KCNQ5: variants seen among roughly 807,000 people sequenced by gnomAD.
KCNQ5 encodes potassium voltage-gated channel subfamily KQT member 5.
A neutral mutation model predicts 98.2 loss-of-function variants in KCNQ5; 30 were observed. That is an observed-to-expected ratio of 0.31 (90% CI 0.23 to 0.41). The LOEUF (loss-of-function observed/expected upper bound fraction) is 0.41, where lower values mean the gene tolerates loss of function less well. Among genes scored for constraint, KCNQ5 ranks in the 10% least tolerant of loss-of-function variants. The probability of loss-of-function intolerance (pLI) is 1.00; values close to 1 mark genes in which losing one functional copy is unlikely to be tolerated. For missense variants in KCNQ5, 835 were observed against 1,182.5 expected (o/e 0.71, Z 4.31); for synonymous variants, 458 against 449.4 (o/e 1.02, Z -0.24).
chr6:73,086,300 G>C (rs1773985689), intron 5 of KCNQ5, among the ~76,000 whole-genome samples: 1 of 151,966 alleles, frequency 6.6e-6, no homozygotes, highest in African/African-American at 2.4e-5. Flanking sequence ...ATAATTGAAA[G>C]GACAGACATA....
intron 2 of KCNQ5, among the ~76,000 whole-genome samples, chr6:73,020,348 T>A (rs1399405097): frequency 2.0e-5 from 3 of 152,174 alleles, no homozygotes; most frequent in Non-Finnish European, 4.4e-5. Context: ...AGGGAAACAC[T>A]TATTTCATTT....
At chr6:72,978,605 A>G (rs1768271556) in intron 1 of KCNQ5, among the ~76,000 whole-genome samples, 1 of 152,184 alleles carries the variant, frequency 6.6e-6, no homozygotes, top group African/African-American at 2.4e-5. Context: ...GGCAGTTGTG[A>G]TCCTTTTAAA....
intron 1 of KCNQ5, among the ~76,000 whole-genome samples, chr6:72,964,081 A>G (rs1445475407): frequency 6.6e-6 from 1 of 152,168 alleles, no homozygotes; most frequent in Non-Finnish European, 1.5e-5. Flanking sequence ...AAAAATGAAT[A>G]TTTACTTAAA....
chr6:72,901,086 C>T (rs1333995962), intron 1 of KCNQ5, among the ~76,000 whole-genome samples: 2 of 151,846 alleles, frequency 1.3e-5, no homozygotes, highest in East Asian at 3.9e-4. Flanking sequence ...ATTAACTCAT[C>T]ATTTACCTTA....
At chr6:72,677,591 T>C (rs1321664734) in intron 1 of KCNQ5, among the ~76,000 whole-genome samples, 1 of 152,204 alleles carries the variant, frequency 6.6e-6, no homozygotes, top group African/African-American at 2.4e-5. Context: ...CTTGACTATT[T>C]TTAATTCTGA....
chr6:73,119,755 AT>A (rs1245979831), intron 7 of KCNQ5, among the ~76,000 whole-genome samples: 1 of 152,202 alleles, frequency 6.6e-6, no homozygotes, highest in Non-Finnish European at 1.5e-5. Flanking sequence ...TCAAATATTG[AT>A]TAAAGATCAA....
In KCNQ5 at chr6:72,701,290, A is replaced by G. The variant is rs140227326; in HGVS notation, c.398+78703A>G. Among the ~76,000 whole-genome samples, 26 of 152,346 alleles carry G rather than the reference A, an allele frequency of 1.7e-4. No individual in the cohort carries two copies. The East Asian group carries it at 5.0e-3, about 29-fold the overall frequency. ...TGTGCAGCAGTTAACTGAAACTTAC[A>G]TAACGTTTAAGGCTTTTTACCCCAA... On this transcript the variant is annotated intron_variant, in intron 1 of 13. Transcript: ENST00000370398.
chr6:73,084,516 A>C (rs946165299), intron 5 of KCNQ5, among the ~76,000 whole-genome samples: 4 of 152,188 alleles, frequency 2.6e-5, no homozygotes, highest in Admixed American at 6.5e-5. Flanking sequence ...GTTTGTAAGC[A>C]TCTGCAATAC....
intron 5 of KCNQ5, among the ~76,000 whole-genome samples, chr6:73,094,425 C>T (rs1774394371): frequency 6.6e-6 from 1 of 152,038 alleles, no homozygotes; most frequent in Non-Finnish European, 1.5e-5. Context: ...TGTGAGGTAC[C>T]ATTCCATTCA....
intron 1 of KCNQ5, among the ~76,000 whole-genome samples, chr6:72,669,121 C>T (rs1766970778): frequency 6.6e-6 from 1 of 152,026 alleles, no homozygotes; most frequent in African/African-American, 2.4e-5. Context: ...ACTCTAAAGT[C>T]TAAATTCTAA....
intron 8 of KCNQ5, among the ~76,000 whole-genome samples, chr6:73,121,194 T>C (rs1488986051): frequency 6.6e-6 from 1 of 152,174 alleles, no homozygotes; most frequent in Non-Finnish European, 1.5e-5. Context: ...TCACATTTCA[T>C]TGGCCAAAGT....
Position 73,196,833 on chromosome 6 carries a change from C to T in KCNQ5, c.*1419C>T, listed in dbSNP as rs1765804391. 6.6e-6 allele frequency: 1 copy of T among 151,990 alleles called. No homozygotes were observed. The highest frequency in any genetic ancestry group is 1.5e-5 in the Non-Finnish European group (1 of 68,010). The allele number at this position is 151,990 out of a possible 1,614,324, so 9.4% of individuals were successfully genotyped here. On this transcript the variant is annotated 3_prime_UTR_variant, in exon 14 of 14. Coordinates refer to ENST00000370398, the MANE Select transcript of KCNQ5 (RefSeq NM_019842.4). ...AAAAAGACCAAGGGAAACAAAATGA[C>T]AAATGTATTTATCAGAAAGCAAGCA...
chr6:73,082,790 A>C (rs1045072498), intron 5 of KCNQ5, among the ~76,000 whole-genome samples: 2 of 151,938 alleles, frequency 1.3e-5, no homozygotes, highest in Admixed American at 1.3e-4. Context: ...AAACATACTG[A>C]GGCTTGCAGA....
rs544553690 is a variant in KCNQ5 at position 72,960,700 on chromosome 6, A to G, written c.399-43208A>G. Among the ~76,000 whole-genome samples the G allele has an allele frequency of 1.1e-4, 17 of 152,356 alleles. 1 individual carries two copies. The South Asian group carries it at 2.3e-3, about 20-fold the overall frequency. On this transcript the variant is annotated intron_variant, in intron 1 of 13. Transcript: ENST00000370398. ...CTCAGTCTCCCAAAGTGCTGGGATT[A>G]CAGGTGTGAGCCACTGTGCCCAACC...
chr6:72,907,643 A>G (rs897379526), intron 1 of KCNQ5, among the ~76,000 whole-genome samples: 1 of 152,166 alleles, frequency 6.6e-6, no homozygotes. Flanking sequence ...ATCATATGAC[A>G]TGACAGACCA....
intron 11 of KCNQ5, among the ~76,000 whole-genome samples, chr6:73,177,012 A>G (rs1778237754): frequency 6.6e-6 from 1 of 152,246 alleles, no homozygotes; most frequent in South Asian, 2.1e-4. Context: ...TCTGAAGGAG[A>G]TAGATTCAAA....
In KCNQ5 at chr6:73,183,274, C is replaced by G. The variant is rs1429035706; in HGVS notation, c.1578-7299C>G. ...CCTTGGCATCTGCAGTAACCTTGTTCTTACTAGTTCTGTGACCTTGAACAG... is the reference window on the plus strand; with the variant it reads ...CCTTGGCATCTGCAGTAACCTTGTTGTTACTAGTTCTGTGACCTTGAACAG... On this transcript the variant is annotated intron_variant, in intron 11 of 13. Coordinates refer to ENST00000370398, the MANE Select transcript of KCNQ5 (RefSeq NM_019842.4). 2.0e-5 allele frequency among the ~76,000 whole-genome samples: 3 copies of G among 152,208 alleles called. No individual in the cohort carries two copies. In the East Asian group the frequency reaches 5.8e-4, roughly 29 times the overall value.
At chr6:72,949,193 T>C (rs1766682906) in intron 1 of KCNQ5, among the ~76,000 whole-genome samples, 1 of 152,322 alleles carries the variant, frequency 6.6e-6, no homozygotes, top group South Asian at 2.1e-4. Flanking sequence ...TCTACAGCAT[T>C]ATATAAATCA....
At chr6:73,038,336 T>C (rs1771532647) in intron 2 of KCNQ5, among the ~76,000 whole-genome samples, 1 of 129,122 alleles carries the variant, frequency 7.7e-6, no homozygotes, top group Non-Finnish European at 1.8e-5. Flanking sequence ...TATGTTTACC[T>C]TTCCAAACTG....
Sources: gnomAD v4.1 joint callset for allele counts (sites outside exome capture counted in the v4.1 genomes callset) on GRCh38, gnomAD v4.1.1 for gene constraint, MANE v1.5 for transcripts, NCBI Gene and HGNC (gene_info 2026-07-23, HGNC 2026-07-21) for gene names.